NBAS: variants seen among roughly 807,000 people sequenced by gnomAD.
NBAS encodes the protein NAG/BC035112 fusion.
NBAS carries 219 observed loss-of-function variants against 302.5 expected under a neutral mutation model. The ratio of observed to expected loss-of-function variants is 0.72; its 90% CI spans 0.65 to 0.81. NBAS has a LOEUF of 0.81. NBAS is among the 30% of genes least tolerant of loss of function. NBAS has a pLI of 0.00. For missense variants in NBAS, 2,932 were observed against 2,841.6 expected (o/e 1.03, Z -0.72); for synonymous variants, 1,118 against 1,021.6 (o/e 1.09, Z -1.80).
the NBAS span, among the ~76,000 whole-genome samples, chr2:14,913,747 G>C: frequency 6.6e-6 from 1 of 152,170 alleles, no homozygotes; most frequent in African/African-American, 2.4e-5. Context: ...AGAGTGATGA[G>C]GGCCAGAAAA....
At chr2:15,110,916 A>G in the NBAS span, among the ~76,000 whole-genome samples, 1 of 152,178 alleles carries the variant, frequency 6.6e-6, no homozygotes, top group African/African-American at 2.4e-5. Context: ...TTGAAGAAAC[A>G]TAATGCTTGG....
chr2:15,206,581 A>C (rs1212805447), intron 48 of NBAS, among the ~76,000 whole-genome samples: 1 of 152,212 alleles, frequency 6.6e-6, no homozygotes, highest in Non-Finnish European at 1.5e-5. Flanking sequence ...ACAGGCCCAG[A>C]GGCCCTAGGA....
the NBAS span, among the ~76,000 whole-genome samples, chr2:14,873,791 A>G: frequency 6.6e-6 from 1 of 151,954 alleles, no homozygotes; most frequent in Non-Finnish European, 1.5e-5. Flanking sequence ...AAACGAAAAC[A>G]TGACATATCA....
intron 41 of NBAS, among the ~76,000 whole-genome samples, chr2:15,287,631 G>C (rs773101919): frequency 5.3e-5 from 8 of 151,080 alleles, no homozygotes; most frequent in Non-Finnish European, 1.0e-4. Context: ...CACCCATGTG[G>C]GCATCCCCCT....
the NBAS span, among the ~76,000 whole-genome samples, chr2:14,918,832 T>C: frequency 2.0e-5 from 3 of 151,910 alleles, no homozygotes; most frequent in African/African-American, 4.8e-5. Flanking sequence ...CAGTGGGAAA[T>C]GCAGGGGAGG....
At chr2:15,188,079 T>C (rs1665170786) in intron 49 of NBAS, among the ~76,000 whole-genome samples, 1 of 152,236 alleles carries the variant, frequency 6.6e-6, no homozygotes, top group Non-Finnish European at 1.5e-5. Context: ...GAAATGCTGC[T>C]TGGCCAGCAT....
intron 38 of NBAS, among the ~76,000 whole-genome samples, chr2:15,318,432 A>G (rs1266265679): frequency 6.6e-5 from 10 of 152,230 alleles, no homozygotes. Flanking sequence ...AAATACCCCA[A>G]TTAAAAGACA....
At chr2:15,119,189 G>GGAAGC in the NBAS span, among the ~76,000 whole-genome samples, 135 of 152,194 alleles carry the variant, frequency 8.9e-4, 2 homozygotes, top group East Asian at 0.018. Flanking sequence ...GGAAGGGAAG[G>GGAAGC]GTCTCACATT....
chr2:15,444,699 C>CA (rs1678628837), intron 21 of NBAS, among the ~76,000 whole-genome samples: 1 of 151,158 alleles, frequency 6.6e-6, no homozygotes, highest in African/African-American at 2.4e-5. Flanking sequence ...AAAGAAACTA[C>CA]CATCAGAGTG....
chr2:15,495,579 A>G (rs1304775910), intron 11 of NBAS, among the ~76,000 whole-genome samples: 1 of 152,218 alleles, frequency 6.6e-6, no homozygotes. Context: ...TTGCATGATA[A>G]AAGTATAAAT....
chr2:14,982,073 C>T, the NBAS span, among the ~76,000 whole-genome samples: 1,442 of 152,288 alleles, frequency 9.5e-3, 14 homozygotes, highest in Admixed American at 0.014. Flanking sequence ...TTCCTCAGGG[C>T]ATTTTAAAAA....
intron 38 of NBAS, among the ~76,000 whole-genome samples, chr2:15,316,445 G>T (rs1033179032): frequency 6.6e-6 from 1 of 152,216 alleles, no homozygotes; most frequent in African/African-American, 2.4e-5. Context: ...AGTGCAAGGG[G>T]TTGGGGGATT....
At chr2:15,006,272 T>C in the NBAS span, among the ~76,000 whole-genome samples, 1 of 152,192 alleles carries the variant, frequency 6.6e-6, no homozygotes, top group Non-Finnish European at 1.5e-5. Context: ...TCAGAAATTC[T>C]GCCTTTGGAA....
the NBAS span, among the ~76,000 whole-genome samples, chr2:14,931,417 A>T: frequency 1.6e-3 from 248 of 152,310 alleles, 3 homozygotes; most frequent in Non-Finnish European, 3.1e-3. Context: ...TGATTCTAAG[A>T]TGACAAACCC....
chr2:15,229,491 G>C (rs1667290331), intron 47 of NBAS, among the ~76,000 whole-genome samples: 1 of 150,142 alleles, frequency 6.7e-6, no homozygotes, highest in African/African-American at 2.5e-5. Context: ...AGATAAAAGA[G>C]GACATGTGGG....
chr2:14,816,741 C>T, the NBAS span, among the ~76,000 whole-genome samples: 3 of 152,320 alleles, frequency 2.0e-5, no homozygotes, highest in African/African-American at 7.2e-5. Context: ...TGCTTTACCT[C>T]GTGTCTGTCT....
chr2:15,096,443 C>T, the NBAS span, among the ~76,000 whole-genome samples: 1 of 152,194 alleles, frequency 6.6e-6, no homozygotes, highest in Non-Finnish European at 1.5e-5. Flanking sequence ...TGCAGAAAAG[C>T]TTTCTATGCA....
intron 51 of NBAS, 77 bp downstream of exon 51, chr2:15,178,911 G>A (rs1380413610): frequency 3.8e-6 from 6 of 1,583,204 alleles, no homozygotes; most frequent in Non-Finnish European, 5.2e-6. Flanking sequence ...TGTTATTTAT[G>A]AGAATGAAAG....
chr2:15,098,590 A>G, the NBAS span, among the ~76,000 whole-genome samples: 108,499 of 117,154 alleles, frequency 0.93, 50,172 homozygotes, highest in Admixed American at 0.96. Flanking sequence ...ATTATATATT[A>G]TATATATTAT....
Sources: allele counts gnomAD v4.1 joint callset (sites outside exome capture counted in the v4.1 genomes callset), GRCh38; gene constraint gnomAD v4.1.1; transcripts MANE v1.5; gene names NCBI Gene and HGNC (gene_info 2026-07-23, HGNC 2026-07-21).